ARMH4: variants seen among roughly 807,000 people sequenced by gnomAD.
ARMH4 encodes the protein armadillo-like helical domain-containing protein 4.
In ARMH4, 49 loss-of-function variants were observed where a neutral mutation model predicts 61.9. The ratio of observed to expected loss-of-function variants is 0.79; its 90% CI spans 0.63 to 1.00. ARMH4 has a LOEUF of 1.00. ARMH4 is among the 50% of genes least tolerant of loss of function. The pLI, the probability that ARMH4 is intolerant of heterozygous loss-of-function variation, is 0.00. For synonymous variants in ARMH4, 368 were observed against 341.5 expected (o/e 1.08, Z -0.85); for missense variants, 934 against 930.0 (o/e 1.00, Z -0.06).
chr14:58,051,191 T>C (rs1884130044), intron 5 of ARMH4, among the ~76,000 whole-genome samples: 1 of 151,848 alleles, frequency 6.6e-6, no homozygotes, highest in African/African-American at 2.4e-5. Flanking sequence ...TGTGGCAACT[T>C]AGCAGGTAAA....
At chr14:58,084,739 C>T (rs1446318395) in intron 5 of ARMH4, among the ~76,000 whole-genome samples, 1 of 152,192 alleles carries the variant, frequency 6.6e-6, no homozygotes, top group African/African-American at 2.4e-5. Flanking sequence ...TAAATTCCTT[C>T]CCTGGGTCTT....
chr14:58,052,778 C>T (rs1323878904), intron 5 of ARMH4, among the ~76,000 whole-genome samples: 1 of 152,182 alleles, frequency 6.6e-6, no homozygotes, highest in Non-Finnish European at 1.5e-5. Flanking sequence ...CTCACAGTTC[C>T]AGCTCTGCCT....
At chr14:58,031,187 T>C (rs1417749432) in intron 5 of ARMH4, among the ~76,000 whole-genome samples, 1 of 152,222 alleles carries the variant, frequency 6.6e-6, no homozygotes, top group Non-Finnish European at 1.5e-5. Context: ...AATTGAATTG[T>C]GTTTCTTCAG....
Position 58,040,657 on chromosome 14 carries a change from T to C in ARMH4, c.2090-28507A>G, listed in dbSNP as rs111417402. ...CTTGTGTCTTTATGATAGAATGATA[T>C]ACATTCCTTTGGGTATATACCCAGT... On this transcript the variant is annotated intron_variant, in intron 5 of 7. Transcript: ENST00000267485. Among the ~76,000 whole-genome samples, 1,216 of 152,314 alleles carry C rather than the reference T, an allele frequency of 8.0e-3. 24 individuals carry two copies. Among genetic ancestry groups the C allele is most frequent in the African/African-American group, 0.027 (1,139 of 41,564 alleles).
intron 1 of ARMH4, among the ~76,000 whole-genome samples, chr14:58,150,652 T>C (rs1363684003): frequency 1.3e-5 from 2 of 152,218 alleles, no homozygotes; most frequent in Non-Finnish European, 2.9e-5. Flanking sequence ...TGTAGCTACC[T>C]TAGACTTGGT....
At chr14:58,069,248 G>A (rs914003296) in intron 5 of ARMH4, among the ~76,000 whole-genome samples, 2 of 152,272 alleles carry the variant, frequency 1.3e-5, no homozygotes, top group East Asian at 3.9e-4. Context: ...CATGTATGCA[G>A]AGTACGTTCA....
intron 4 of ARMH4, among the ~76,000 whole-genome samples, chr14:58,130,971 C>A (rs1004587688): frequency 2.6e-5 from 4 of 152,220 alleles, no homozygotes; most frequent in Non-Finnish European, 5.9e-5. Flanking sequence ...CCATCTTAAT[C>A]TCAATCACTG....
Position 58,139,158 on chromosome 14 carries a change from T to A in ARMH4, c.201A>T (p.Gln67His). 1 of 1,614,212 alleles carries A rather than the reference T, an allele frequency of 6.2e-7. No individual in the cohort carries two copies. ...TCATTGGATCTTCAGAGACCACCAG[T>A]TGGGGAGTCTGCTTTGAGGTAACAG... ...NSSVTSKQTP[Q>H]LVVSEDPMMM... Residue 67 changes from glutamine to histidine, a missense_variant, in exon 2 of 8, where the codon CAA (glutamine) becomes CAT (histidine). Coordinates refer to ENST00000267485, the MANE Select transcript of ARMH4 (RefSeq NM_001001872.4).
Position 58,138,180 on chromosome 14 carries a change from A to G in ARMH4, c.1179T>C (p.Thr393=), listed in dbSNP as rs750561905. The G allele has an allele frequency of 6.2e-7, 1 of 1,614,194 alleles. No homozygotes were observed. The highest frequency in any genetic ancestry group is 1.3e-5 in the African/African-American group (1 of 75,044). ...TTGTGGGGGTAAAGGAACTTTGATCAGTGAAAGCAGGTGATCTCTCATTCC... is the reference window on the plus strand; with the variant it reads ...TTGTGGGGGTAAAGGAACTTTGATCGGTGAAAGCAGGTGATCTCTCATTCC... ...AHGNERSPAF[T]DQSSFTPTSL... The change falls in exon 2 of 8, where the codon ACT becomes ACC. Residue 393 remains threonine (T), a synonymous_variant. Transcript: ENST00000267485.
chr14:58,104,654 A>C (rs1384463868), intron 4 of ARMH4, among the ~76,000 whole-genome samples: 1 of 152,212 alleles, frequency 6.6e-6, no homozygotes, highest in Admixed American at 6.5e-5. Context: ...GATCAGTAAC[A>C]AAAAAAGATA....
chr14:58,103,477 A>G (rs1045635546), intron 4 of ARMH4, among the ~76,000 whole-genome samples: 6 of 152,050 alleles, frequency 3.9e-5, no homozygotes, highest in Non-Finnish European at 8.8e-5. Context: ...CTCCAGAACG[A>G]TGAGGAAATA....
At chr14:58,049,055 G>A (rs1330384611) in intron 5 of ARMH4, among the ~76,000 whole-genome samples, 3 of 151,956 alleles carry the variant, frequency 2.0e-5, no homozygotes, top group East Asian at 3.9e-4. Flanking sequence ...GGCTAACATG[G>A]TGAAACCCCA....
chr14:58,036,078 C>T (rs754062547), intron 5 of ARMH4, among the ~76,000 whole-genome samples: 6,706 of 118,840 alleles, frequency 0.056, 395 homozygotes, highest in African/African-American at 0.098. Flanking sequence ...GATACCAAAG[C>T]CGGGCAGAGA....
At chr14:58,055,502 T>C (rs760185911) in intron 5 of ARMH4, among the ~76,000 whole-genome samples, 2 of 152,196 alleles carry the variant, frequency 1.3e-5, no homozygotes, top group Non-Finnish European at 2.9e-5. Flanking sequence ...ATCACTGTAA[T>C]ATGAGGCAAC....
At chr14:58,022,002 T>C (rs1284234527) in intron 5 of ARMH4, among the ~76,000 whole-genome samples, 2 of 152,078 alleles carry the variant, frequency 1.3e-5, no homozygotes, top group Non-Finnish European at 1.5e-5. Flanking sequence ...ACAAACATAG[T>C]GGAATAAAGC....
chr14:58,081,083 C>G (rs543698338), intron 5 of ARMH4, among the ~76,000 whole-genome samples: 1 of 150,190 alleles, frequency 6.7e-6, no homozygotes. Flanking sequence ...GCCGGGGACA[C>G]AGAGCAAGAC....
intron 5 of ARMH4, among the ~76,000 whole-genome samples, chr14:58,088,519 A>G (rs988643636): frequency 6.6e-6 from 1 of 151,848 alleles, no homozygotes; most frequent in African/African-American, 2.4e-5. Flanking sequence ...AAATAATTCC[A>G]TTCTTTCCAG....
chr14:58,133,064 A>T lies in ARMH4; in HGVS notation c.1621+26T>A, dbSNP rs112976465. 11 of 1,611,546 alleles carry T rather than the reference A, an allele frequency of 6.8e-6. No homozygotes were observed. In the African/African-American group the frequency reaches 1.1e-4, roughly 16 times the overall value. On this transcript the variant is annotated intron_variant, in intron 3 of 7. Coordinates refer to ENST00000267485, the MANE Select transcript of ARMH4 (RefSeq NM_001001872.4). ...AACAGAAGAGATCCACCCCCAAAAC[A>T]GAGTCCAATATCCTCCCTTACAGAC...
chr14:58,139,252 T>A lies in ARMH4; in HGVS notation c.107A>T (p.Glu36Val). Residue 36 changes from glutamate to valine, a missense_variant, in exon 2 of 8, where the codon GAG (glutamate) becomes GTG (valine). Transcript: ENST00000267485. ...LAFPKIERRR[E>V]IAHVHAEKGQ... is the part of the protein sequence containing the mutation. ...TTTTTCCGCATGAACATGTGCTATC[T>A]CCCTCCTCCTTTCTATTTTGGGGAA... The A allele has an allele frequency of 1.2e-6, 2 of 1,614,136 alleles. No homozygotes were observed. The highest frequency in any genetic ancestry group is 8.5e-7 in the Non-Finnish European group (1 of 1,180,018).
Sources: gnomAD v4.1 joint callset for allele counts (sites outside exome capture counted in the v4.1 genomes callset) on GRCh38, gnomAD v4.1.1 for gene constraint, MANE v1.5 for transcripts, NCBI Gene and HGNC (gene_info 2026-07-23, HGNC 2026-07-21) for gene names.